The following FOXP1 variants were observed in gnomAD, a reference collection of about 807,000 sequenced individuals.
FOXP1 encodes the protein forkhead box P1, also known as forkhead box protein P1.
Under a neutral mutation model 98.2 loss-of-function variants are expected in FOXP1, and 15 were observed. That is an observed-to-expected ratio of 0.15 (90% confidence interval 0.10 to 0.24). The LOEUF is 0.24. Among genes scored for constraint, FOXP1 ranks in the 10% least tolerant of loss-of-function variants. The pLI is 1.00. For missense variants in FOXP1, 633 were observed against 848.5 expected, an observed-to-expected ratio of 0.75 and a Z score of 3.15; for synonymous variants, 371 against 314.5, an observed-to-expected ratio of 1.18 and a Z score of -1.90.
At chr3:71,518,961 T>C (rs2107422186) in intron 2 of FOXP1, among the ~76,000 whole-genome samples, 1 of 152,344 alleles carries the variant, frequency 6.6e-6, no homozygotes, top group South Asian at 2.1e-4. Context: ...AAATAATGTG[T>C]GAGGCCAGGT....
chr3:71,169,569 CT>C (rs2061545952), intron 6 of FOXP1, among the ~76,000 whole-genome samples: 1 of 152,074 alleles, frequency 6.6e-6, no homozygotes, highest in Admixed American at 6.6e-5. Flanking sequence ...TATCTTCTGG[CT>C]TTTGTTTAAC....
At chr3:71,445,294 T>C (rs2086312607) in intron 3 of FOXP1, among the ~76,000 whole-genome samples, 3 of 152,042 alleles carry the variant, frequency 2.0e-5, no homozygotes, top group Admixed American at 6.6e-5. Context: ...GGGAAGGAGG[T>C]GTACTGCACA....
chr3:71,266,530 G>A (rs1175212338), intron 5 of FOXP1, among the ~76,000 whole-genome samples: 5 of 152,136 alleles, frequency 3.3e-5, no homozygotes, highest in African/African-American at 1.2e-4. Flanking sequence ...GAGATTACAG[G>A]CATGAGCCAC....
chr3:71,381,598 C>T (rs1013818933), intron 3 of FOXP1, among the ~76,000 whole-genome samples: 1 of 151,938 alleles, frequency 6.6e-6, no homozygotes, highest in Non-Finnish European at 1.5e-5. Context: ...GATACAACAC[C>T]GCTCTCAGCT....
chr3:71,378,758 T>C (rs887140753), intron 3 of FOXP1, among the ~76,000 whole-genome samples: 7 of 151,828 alleles, frequency 4.6e-5, no homozygotes, highest in Non-Finnish European at 8.8e-5. Context: ...AATTTTATTA[T>C]TAGTTATTAT....
chr3:71,403,061 C>A (rs563365730), intron 3 of FOXP1, among the ~76,000 whole-genome samples: 1 of 152,170 alleles, frequency 6.6e-6, no homozygotes, highest in Non-Finnish European at 1.5e-5. Flanking sequence ...TAAGCAAAAC[C>A]AAATTAGTTT....
intron 6 of FOXP1, among the ~76,000 whole-genome samples, chr3:71,116,085 A>G (rs1337963729): frequency 6.6e-6 from 1 of 152,224 alleles, no homozygotes; most frequent in African/African-American, 2.4e-5. Flanking sequence ...GTACATAAGG[A>G]AAGGAAAGTA....
intron 13 of FOXP1, among the ~76,000 whole-genome samples, chr3:70,989,955 T>C (rs1013792381): frequency 2.0e-5 from 3 of 152,170 alleles, no homozygotes; most frequent in African/African-American, 7.2e-5. Context: ...CAGCCAAAGG[T>C]AGCAACACTA....
At chr3:71,123,412 T>C (rs2058928488) in intron 6 of FOXP1, among the ~76,000 whole-genome samples, 1 of 152,242 alleles carries the variant, frequency 6.6e-6, no homozygotes, top group South Asian at 2.1e-4. Context: ...ATATTGATGT[T>C]GTCCCCATCA....
intron 5 of FOXP1, among the ~76,000 whole-genome samples, chr3:71,198,932 G>A (rs1211523369): frequency 2.6e-5 from 4 of 151,858 alleles, no homozygotes; most frequent in African/African-American, 4.8e-5. Flanking sequence ...TCCTGACCTC[G>A]TGATCCACCC....
intron 1 of FOXP1, chr3:71,582,343 C>T: frequency 1.0e-6 from 1 of 968,086 alleles, no homozygotes; most frequent in Non-Finnish European, 1.2e-6. Context: ...ACCGCGACCC[C>T]GCGGCAACTG....
At chr3:70,966,095 T>C (rs1370753572) in intron 19 of FOXP1, 39 bp from the exon 20 acceptor site, 3 of 1,571,444 alleles carry the variant, frequency 1.9e-6, no homozygotes, top group African/African-American at 1.4e-5. Context: ...AGACACAGGG[T>C]ATGTAAGACA....
intron 5 of FOXP1, among the ~76,000 whole-genome samples, chr3:71,217,038 T>C (rs2064994702): frequency 6.6e-6 from 1 of 152,174 alleles, no homozygotes; most frequent in Admixed American, 6.5e-5. Context: ...TAAAAGAATT[T>C]GTTCTATTTT....
At chr3:71,220,810 A>G (rs567478588) in intron 5 of FOXP1, among the ~76,000 whole-genome samples, 1 of 149,878 alleles carries the variant, frequency 6.7e-6, no homozygotes, top group Non-Finnish European at 1.5e-5. Context: ...GGAGAAAAGA[A>G]GGGTCCTCAG....
chr3:71,264,170 T>C (rs750287323), intron 5 of FOXP1, among the ~76,000 whole-genome samples: 20 of 152,164 alleles, frequency 1.3e-4, no homozygotes, highest in Non-Finnish European at 2.6e-4. Context: ...CATGTAACCA[T>C]TGTACCCAAT....
chr3:71,581,898 T>A, intron 1 of FOXP1: 1 of 978,948 alleles, frequency 1.0e-6, no homozygotes, highest in Non-Finnish European at 1.2e-6. Flanking sequence ...GACCGGGAAA[T>A]CGGCCCGAGC....
chr3:71,205,933 A>G (rs1344948281), intron 5 of FOXP1, among the ~76,000 whole-genome samples: 1 of 152,240 alleles, frequency 6.6e-6, no homozygotes, highest in Admixed American at 6.5e-5. Context: ...AAGAGGAAGA[A>G]AAGAAATAGG....
At chr3:71,450,186 T>G (rs772551979) in intron 3 of FOXP1, among the ~76,000 whole-genome samples, 8 of 152,214 alleles carry the variant, frequency 5.3e-5, no homozygotes, top group African/African-American at 7.2e-5. Flanking sequence ...GTTCCTAATT[T>G]CAATGATTTA....
At chr3:70,972,078 G>A (rs1270114214) in intron 18 of FOXP1, 40 of 1,518,998 alleles carry the variant, frequency 2.6e-5, no homozygotes, top group African/African-American at 4.2e-5. Flanking sequence ...TGAATATGGC[G>A]GCCACGTTTA....
Sources: allele counts gnomAD v4.1 joint callset (sites outside exome capture counted in the v4.1 genomes callset), GRCh38; gene constraint gnomAD v4.1.1; transcripts MANE v1.5; gene names NCBI Gene and HGNC (gene_info 2026-07-23, HGNC 2026-07-21).